IL17RD: variants seen among roughly 807,000 people sequenced by gnomAD.
IL17RD encodes the protein interleukin-17 receptor D.
IL17RD carries 52 observed loss-of-function variants against 80.5 expected under a neutral mutation model. That is an observed-to-expected ratio of 0.65 (90% CI 0.52 to 0.81). The LOEUF (loss-of-function observed/expected upper bound fraction) is 0.81. Ranked by LOEUF, IL17RD falls within the 40% of genes least tolerant of loss-of-function variation. The pLI, the probability that IL17RD is intolerant of heterozygous loss-of-function variation, is 0.00. For missense variants in IL17RD, 1,024 were observed against 955.1 expected (o/e 1.07, Z -0.95); for synonymous variants, 416 against 391.8 (o/e 1.06, Z -0.73).
In IL17RD at chr3:57,120,273, A is replaced by G; in HGVS notation, c.167T>C (p.Ile56Thr). The G allele has an allele frequency of 2.5e-6, 4 of 1,613,326 alleles. No individual in the cohort carries two copies. Among genetic ancestry groups the G allele is most frequent in the Non-Finnish European group, 3.4e-6 (4 of 1,179,250 alleles). The change falls in exon 2 of 13, where the codon ATC becomes ACC. Residue 56 changes from isoleucine (I) to threonine (T), a missense_variant. Coordinates refer to ENST00000296318, the MANE Select transcript of IL17RD (RefSeq NM_017563.5). ...PASRNSGLYNITFKYDNCTTY... is the reference protein window; with the variant it reads ...PASRNSGLYNTTFKYDNCTTY... ...TTACTTACTGTCATATTTGAAGGTG[A>G]TGTTGTACAGCCCACTGTTTCTGCT...
At chr3:57,111,983 G>GA (rs200325464) in intron 3 of IL17RD, among the ~76,000 whole-genome samples, 1,864 of 150,442 alleles carry the variant, frequency 0.012, 47 homozygotes, top group African/African-American at 0.043. Flanking sequence ...AAGAAAGAAA[G>GA]AAAAAAAAAT....
intron 1 of IL17RD, among the ~76,000 whole-genome samples, chr3:57,141,061 A>G (rs963301042): frequency 6.6e-6 from 1 of 151,912 alleles, no homozygotes; most frequent in Non-Finnish European, 1.5e-5. Flanking sequence ...ATGCCTGGCT[A>G]ATTTTTAAAA....
At chr3:57,105,552 A>AAT (rs1553623051) in intron 7 of IL17RD, among the ~76,000 whole-genome samples, 3,429 of 63,072 alleles carry the variant, frequency 0.054, 371 homozygotes, top group Admixed American at 0.15. Flanking sequence ...AAAAAAAAAA[A>AAT]ATATATATAT....
At chr3:57,120,178 T>C in intron 2 of IL17RD, 78 bp downstream of exon 2, 2 of 1,176,302 alleles carry the variant, frequency 1.7e-6, no homozygotes, top group Non-Finnish European at 2.6e-6. Context: ...GACTGCAGAG[T>C]CCTTGATTAA....
chr3:57,133,332 T>G (rs1707652773), intron 1 of IL17RD, among the ~76,000 whole-genome samples: 1 of 152,214 alleles, frequency 6.6e-6, no homozygotes, highest in African/African-American at 2.4e-5. Context: ...GTTCTTAAAC[T>G]ATAAGCAATA....
At chr3:57,166,025 C>A (rs1579331652), upstream of IL17RD, among the ~76,000 whole-genome samples, 1 of 152,320 alleles carries the variant, frequency 6.6e-6, no homozygotes, top group Non-Finnish European at 1.5e-5. Flanking sequence ...GACCTGAGAT[C>A]CAATCCAGAC....
rs1054925147 is a variant in IL17RD, at chr3:57,093,036, T to G, written c.*3357A>C. Reference sequence around the variant, plus strand: ...CTTGAAAAATGGGAAGATCAGGAAGTACTTCATGGCCACAGTCGACTGGAA... The same window carrying G: ...CTTGAAAAATGGGAAGATCAGGAAGGACTTCATGGCCACAGTCGACTGGAA... On this transcript the variant is annotated 3_prime_UTR_variant, in exon 13 of 13. Coordinates refer to ENST00000296318, the MANE Select transcript of IL17RD (RefSeq NM_017563.5). The G allele has an allele frequency of 6.6e-6, 1 of 152,170 alleles. No individual in the cohort carries two copies. Among genetic ancestry groups the G allele is most frequent in the African/African-American group, 2.4e-5 (1 of 41,438 alleles). 9.4% of individuals were successfully genotyped at this position (152,170 alleles called of 1,614,324 possible).
intron 1 of IL17RD, among the ~76,000 whole-genome samples, chr3:57,147,061 T>G (rs1157617187): frequency 6.7e-6 from 1 of 149,190 alleles, no homozygotes; most frequent in Non-Finnish European, 1.5e-5. Flanking sequence ...GGTCTCAAAC[T>G]CCTGACCTCA....
intron 1 of IL17RD, among the ~76,000 whole-genome samples, chr3:57,135,976 G>T (rs1707717807): frequency 6.6e-6 from 1 of 151,986 alleles, no homozygotes; most frequent in Admixed American, 6.6e-5. Flanking sequence ...TGTTCTGCAG[G>T]GTAACCAAAT....
intron 1 of IL17RD, among the ~76,000 whole-genome samples, chr3:57,163,281 A>G (rs1357543110): frequency 6.6e-6 from 1 of 152,188 alleles, no homozygotes; most frequent in Admixed American, 6.5e-5. Context: ...AGCTGAGAAA[A>G]GTCACCCCCA....
upstream of IL17RD, among the ~76,000 whole-genome samples, chr3:57,165,944 A>G (rs2060346382): frequency 1.3e-5 from 2 of 152,144 alleles, no homozygotes; most frequent in African/African-American, 2.4e-5. Flanking sequence ...TTGAAACATA[A>G]CAAGTGCTCC....
Position 57,096,424 on chromosome 3 carries a change from G to C in IL17RD, c.2189C>G (p.Thr730Ser). The change falls in exon 13 of 13, where the codon ACT (threonine) becomes AGT (serine). Residue 730 changes from threonine to serine, a missense_variant. Coordinates refer to ENST00000296318, the MANE Select transcript of IL17RD (RefSeq NM_017563.5). Reference sequence around the variant, plus strand: ...AGGGGCGACCGCGTGGAGTTCATCAGTGTAGCTGCGGCAACCAAGATCTGC... The same window carrying C: ...AGGGGCGACCGCGTGGAGTTCATCACTGTAGCTGCGGCAACCAAGATCTGC... ...CKADLGCRSYTDELHAVAPL is the reference protein window; with the variant it reads ...CKADLGCRSYSDELHAVAPL The C allele has an allele frequency of 6.2e-7, 1 of 1,613,876 alleles. No individual in the cohort carries two copies.
At chr3:57,153,856 T>C (rs2060247252) in intron 1 of IL17RD, among the ~76,000 whole-genome samples, 1 of 152,158 alleles carries the variant, frequency 6.6e-6, no homozygotes, top group African/African-American at 2.4e-5. Context: ...TTATATATTA[T>C]ATATACCTGT....
intron 1 of IL17RD, among the ~76,000 whole-genome samples, chr3:57,131,522 C>T (rs1707608694): frequency 6.6e-6 from 1 of 152,208 alleles, no homozygotes; most frequent in Non-Finnish European, 1.5e-5. Context: ...GATGCAAGGA[C>T]TTTGAAGGTT....
intron 1 of IL17RD, among the ~76,000 whole-genome samples, chr3:57,121,118 A>C (rs1383363584): frequency 6.6e-6 from 1 of 152,222 alleles, no homozygotes; most frequent in Non-Finnish European, 1.5e-5. Context: ...TACTCTGCAA[A>C]TGTGCCGTTC....
intron 10 of IL17RD, 55 bp from the exon 11 acceptor site, chr3:57,101,418 T>C (rs2107468959): frequency 8.2e-7 from 1 of 1,223,724 alleles, no homozygotes; most frequent in Non-Finnish European, 1.1e-6. Flanking sequence ...TTGTTCTATT[T>C]CCTAAGAATT....
intron 1 of IL17RD, among the ~76,000 whole-genome samples, chr3:57,143,290 G>A (rs1287114166): frequency 6.6e-6 from 1 of 152,198 alleles, no homozygotes; most frequent in African/African-American, 2.4e-5. Flanking sequence ...TATTTTGTTT[G>A]CACAGGCACA....
chr3:57,110,388 A>ATCTTC, intron 3 of IL17RD, 77 bp from the exon 4 acceptor site: 1 of 1,446,726 alleles, frequency 6.9e-7, no homozygotes, highest in African/African-American at 1.4e-5. Flanking sequence ...CAAGATTACC[A>ATCTTC]TCTTCTCTAC....
chr3:57,096,635 A>G (rs1411608281), intron 12 of IL17RD, 130 bp from the exon 13 acceptor site: 5 of 688,750 alleles, frequency 7.3e-6, no homozygotes, highest in Admixed American at 6.7e-5. Flanking sequence ...AAGAATCCCA[A>G]CCAACTCAAG....
Sources: allele counts gnomAD v4.1 joint callset (sites outside exome capture counted in the v4.1 genomes callset), GRCh38; gene constraint gnomAD v4.1.1; transcripts MANE v1.5; gene names NCBI Gene and HGNC (gene_info 2026-07-23, HGNC 2026-07-21).